KCTD3: variants seen among roughly 807,000 people sequenced by gnomAD.
The protein encoded by KCTD3 is BTB/POZ domain-containing protein KCTD3.
In KCTD3, 41 loss-of-function variants were observed where a neutral mutation model predicts 85.8. The ratio of observed to expected loss-of-function variants is 0.48; its 90% CI spans 0.37 to 0.62. The LOEUF (loss-of-function observed/expected upper bound fraction) is 0.62, where lower values mean the gene tolerates loss of function less well. Among genes scored for constraint, KCTD3 ranks in the 20% least tolerant of loss-of-function variants. KCTD3 has a pLI of 0.00. For synonymous variants in KCTD3, 338 were observed against 345.4 expected (o/e 0.98, Z 0.24); for missense variants, 724 against 989.9 (o/e 0.73, Z 3.60).
chr1:215,617,149 C>G (rs1363792784), intron 15 of KCTD3, among the ~76,000 whole-genome samples: 2 of 152,214 alleles, frequency 1.3e-5, no homozygotes, highest in Non-Finnish European at 2.9e-5. Context: ...CATGGAAGCT[C>G]TATGCTCCTT....
Position 215,586,489 on chromosome 1 carries a change from T to G in KCTD3, c.627-6T>G. 6.2e-7 allele frequency: 1 copy of G among 1,608,214 alleles called. No individual in the cohort carries two copies. The highest frequency in any genetic ancestry group is 8.5e-7 in the Non-Finnish European group (1 of 1,176,416). ...TCTACCTTATGTGCCTGTTCTTCCT[T>G]AACAGAATCAAAGAATCTTCAGGAT... On this transcript the variant is annotated splice_region_variant and splice_polypyrimidine_tract_variant and intron_variant, in intron 8 of 17. Coordinates refer to ENST00000259154, the MANE Select transcript of KCTD3 (RefSeq NM_016121.5).
intron 15 of KCTD3, among the ~76,000 whole-genome samples, chr1:215,617,089 C>T (rs564906834): frequency 1.1e-4 from 17 of 152,320 alleles, no homozygotes; most frequent in African/African-American, 3.6e-4. Flanking sequence ...AGAGCGCTTC[C>T]AGATAGCTGA....
intron 8 of KCTD3, among the ~76,000 whole-genome samples, chr1:215,581,770 T>C (rs1183839673): frequency 6.6e-6 from 1 of 152,254 alleles, no homozygotes; most frequent in Non-Finnish European, 1.5e-5. Context: ...TGAGGACATA[T>C]TTGGATTTCC....
In KCTD3 at chr1:215,620,322, A is replaced by G; in HGVS notation, c.2152A>G (p.Ser718Gly). 3.7e-6 allele frequency: 6 copies of G among 1,614,066 alleles called. No individual in the cohort carries two copies. The highest frequency in any genetic ancestry group is 4.2e-6 in the Non-Finnish European group (5 of 1,179,922). Residue 718 changes from serine (S) to glycine (G), a missense_variant, in exon 18 of 18, where the codon AGT becomes GGT. This residue lies in a region of KCTD3 where 222 missense variants were observed against 217.7 expected (regional missense o/e 1.02). Coordinates refer to ENST00000259154, the MANE Select transcript of KCTD3 (RefSeq NM_016121.5). ...ERKSPGVEIK[S>G]LRELDSGLEV... ...AAAGTCTCCTGGAGTAGAAATAAAA[A>G]GTTTGAGAGAATTGGATAGTGGATT...
chr1:215,567,787 G>C lies in KCTD3; in HGVS notation c.83+19G>C. On this transcript the variant is annotated intron_variant, in intron 1 of 17. Coordinates refer to ENST00000259154, the MANE Select transcript of KCTD3 (RefSeq NM_016121.5). ...GGACCAGGTGAGTCGGCGGGTAGCG[G>C]GCTTGCAGCGGGGATGCCTTGGCGG... 1 of 1,235,970 alleles carries C rather than the reference G, an allele frequency of 8.1e-7. No individual in the cohort carries two copies. The highest frequency in any genetic ancestry group is 1.0e-6 in the Non-Finnish European group (1 of 981,806). The allele number at this position is 1,235,970 out of a possible 1,614,324, so 76.6% of individuals were successfully genotyped here. A position where few individuals can be genotyped will look rare whatever the true frequency, so the allele number is the denominator to read the frequency against.
intron 4 of KCTD3, among the ~76,000 whole-genome samples, chr1:215,576,397 C>T (rs1659585309): frequency 6.7e-6 from 1 of 149,472 alleles, no homozygotes. Flanking sequence ...TTTACTAAGA[C>T]TTTGATTAAA....
chr1:215,612,545 G>T (rs1008381175), intron 15 of KCTD3, among the ~76,000 whole-genome samples: 22 of 152,138 alleles, frequency 1.4e-4, no homozygotes, highest in African/African-American at 5.3e-4. Flanking sequence ...TCCATTATAT[G>T]GCACTGGCAG....
At chr1:215,576,376 G>GTT (rs1311789448) in intron 4 of KCTD3, among the ~76,000 whole-genome samples, 3 of 141,748 alleles carry the variant, frequency 2.1e-5, no homozygotes, top group African/African-American at 7.7e-5. Flanking sequence ...GCCAGAAAAG[G>GTT]TTTTTTTTTT....
intron 9 of KCTD3, among the ~76,000 whole-genome samples, chr1:215,588,992 T>C (rs1257043021): frequency 1.3e-5 from 2 of 152,240 alleles, no homozygotes; most frequent in Non-Finnish European, 2.9e-5. Context: ...GGTATACTTC[T>C]CTAGCCACTG....
chr1:215,570,042 GTCACCTGTA>G (rs1659303651), intron 1 of KCTD3, among the ~76,000 whole-genome samples: 1 of 152,162 alleles, frequency 6.6e-6, no homozygotes, highest in Non-Finnish European at 1.5e-5. Flanking sequence ...AGATCTAGAA[GTCACCTGTA>G]TCTTGTACAA....
intron 14 of KCTD3, among the ~76,000 whole-genome samples, chr1:215,611,423 T>G (rs544245525): frequency 2.8e-4 from 43 of 152,164 alleles, no homozygotes; most frequent in African/African-American, 8.4e-4. Context: ...TTTTGTGTGT[T>G]GTCTTCTAAA....
In KCTD3 at chr1:215,567,742, C is replaced by G. The variant is rs1659190628; in HGVS notation, c.57C>G (p.Ile19Met). 8.0e-7 allele frequency: 1 copy of G among 1,244,652 alleles called. No individual in the cohort carries two copies. The highest frequency in any genetic ancestry group is 1.5e-5 in the African/African-American group (1 of 64,600). 77.1% of individuals were successfully genotyped at this position (1,244,652 alleles called of 1,614,324 possible). ...FPAAAAGSGE[I>M]VQLNVGGTRF... ...CGGCGGCGGCCGGCAGCGGCGAGAT[C>G]GTCCAACTGAACGTAGGGGGGACCA... The change falls in exon 1 of 18, where the codon ATC becomes ATG. Residue 19 changes from isoleucine (I) to methionine (M), a missense_variant. By Grantham distance (10) the Ile-to-Met change is conservative (BLOSUM62 1). Coordinates refer to ENST00000259154, the MANE Select transcript of KCTD3 (RefSeq NM_016121.5).
chr1:215,618,025 C>T (rs977957255), intron 15 of KCTD3: 31 of 421,874 alleles, frequency 7.3e-5, no homozygotes, highest in South Asian at 5.1e-4. Context: ...GGACCTCACT[C>T]TCTTGTGAAG....
chr1:215,600,646 G>A (rs968798310), intron 10 of KCTD3, among the ~76,000 whole-genome samples: 1 of 152,202 alleles, frequency 6.6e-6, no homozygotes. Flanking sequence ...TGGATAATAT[G>A]TGGTACATAA....
At chr1:215,583,780 G>C (rs77055124) in intron 8 of KCTD3, among the ~76,000 whole-genome samples, 2,619 of 152,092 alleles carry the variant, frequency 0.017, 67 homozygotes, top group African/African-American at 0.058. Context: ...TGCCTATTAG[G>C]GTCTTCTGCA....
intron 13 of KCTD3, among the ~76,000 whole-genome samples, chr1:215,606,396 A>G (rs562370307): frequency 7.9e-5 from 12 of 151,950 alleles, no homozygotes; most frequent in Admixed American, 3.3e-4. Flanking sequence ...TATTATCTCT[A>G]TCTCTTCTAG....
In KCTD3 at chr1:215,617,055, AAAT is replaced by A. The variant is rs1243138464; in HGVS notation, c.1563-1819_1563-1817del. Among the ~76,000 whole-genome samples, 14 of 152,308 alleles carry A rather than the reference AAAT, an allele frequency of 9.2e-5. 1 individual carries two copies. The East Asian group carries it at 2.3e-3, about 25-fold the overall frequency. On this transcript the variant is annotated intron_variant, in intron 15 of 17. Transcript: ENST00000259154. The stretch of plus-strand genomic sequence containing the variant: ...ATGCCTATATAATGGAGCCATTATA[AAAT>A]AATAATAATAAACTGAGTTCAGAGC...
chr1:215,581,939 G>T (rs1488726444), intron 8 of KCTD3, among the ~76,000 whole-genome samples: 1 of 152,220 alleles, frequency 6.6e-6, no homozygotes, highest in Non-Finnish European at 1.5e-5. Flanking sequence ...GAGTAGTACA[G>T]TGAAGACCTG....
At position 215,612,526 on chromosome 1, in the gene KCTD3, A is replaced by C. The variant is rs146746031; in HGVS notation, c.1562+605A>C. The stretch of plus-strand genomic sequence containing the variant: ...CTCAGTATTTGTTTGTGAATGCTGC[A>C]CTTATGCTTCCATTATATGGCACTG... On this transcript the variant is annotated intron_variant, in intron 15 of 17. Coordinates refer to ENST00000259154, the MANE Select transcript of KCTD3 (RefSeq NM_016121.5). 6.2e-3 allele frequency among the ~76,000 whole-genome samples: 937 copies of C among 152,180 alleles called. 23 individuals are homozygous for C. The South Asian group carries it at 0.074, about 12-fold the overall frequency.
Sources: allele counts gnomAD v4.1 joint callset (sites outside exome capture counted in the v4.1 genomes callset), GRCh38; gene constraint gnomAD v4.1.1; regional missense constraint gnomAD v4.1.1; transcripts MANE v1.5; gene names NCBI Gene and HGNC (gene_info 2026-07-23, HGNC 2026-07-21).